The following FMN1 variants were observed in gnomAD, a reference collection of about 807,000 sequenced individuals.
FMN1 encodes formin-1.
A neutral mutation model predicts 132.4 loss-of-function variants in FMN1; 110 were observed. The ratio of observed to expected loss-of-function variants is 0.83; its 90% CI spans 0.71 to 0.97. The LOEUF (loss-of-function observed/expected upper bound fraction) is 0.97. FMN1 is among the 50% of genes least tolerant of loss of function. The pLI, the probability that FMN1 is intolerant of heterozygous loss-of-function variation, is 0.00. For missense variants in FMN1, 1,792 were observed against 1,705.3 expected, an observed-to-expected ratio of 1.05 and a Z score of -0.90; for synonymous variants, 722 against 651.7, an observed-to-expected ratio of 1.11 and a Z score of -1.64.
At chr15:32,848,345 T>C (rs565073245) in intron 17 of FMN1, among the ~76,000 whole-genome samples, 19 of 71,240 alleles carry the variant, frequency 2.7e-4, no homozygotes, top group Non-Finnish European at 5.3e-4. Flanking sequence ...CACGTGTGTG[T>C]GCGTGCACAC....
chr15:32,899,682 G>A (rs750887101), intron 14 of FMN1: 1 of 411,268 alleles, frequency 2.4e-6, no homozygotes, highest in Non-Finnish European at 4.3e-6. Context: ...GGTACTGTAT[G>A]CTATCTGTTT....
intron 5 of FMN1, among the ~76,000 whole-genome samples, chr15:33,074,638 T>C (rs1336877190): frequency 6.6e-6 from 1 of 152,172 alleles, no homozygotes; most frequent in Non-Finnish European, 1.5e-5. Flanking sequence ...GGCTGGGACA[T>C]CTTGTGAAGC....
intron 5 of FMN1, among the ~76,000 whole-genome samples, chr15:33,080,885 C>T (rs2038427485): frequency 6.9e-6 from 1 of 144,714 alleles, no homozygotes; most frequent in African/African-American, 2.7e-5. Flanking sequence ...AAAACTCCGT[C>T]TCAAAAAAAA....
At chr15:33,020,537 CT>C (rs1203756645) in intron 6 of FMN1, among the ~76,000 whole-genome samples, 1 of 151,646 alleles carries the variant, frequency 6.6e-6, no homozygotes, top group Non-Finnish European at 1.5e-5. Flanking sequence ...ATCCTGGCTA[CT>C]CAGGAGGCTG....
chr15:33,120,767 T>C (rs1412050725), intron 4 of FMN1, among the ~76,000 whole-genome samples: 1 of 152,226 alleles, frequency 6.6e-6, no homozygotes, highest in East Asian at 1.9e-4. Context: ...TATTACCCTT[T>C]TACTGCACAT....
At chr15:33,056,315 T>C (rs375308731) in intron 6 of FMN1, among the ~76,000 whole-genome samples, 3 of 152,348 alleles carry the variant, frequency 2.0e-5, no homozygotes, top group South Asian at 2.1e-4. Context: ...CAAAGTTTAA[T>C]TGAGCAAAGG....
At chr15:32,805,287 T>C (rs1459703860) in intron 17 of FMN1, among the ~76,000 whole-genome samples, 3 of 152,276 alleles carry the variant, frequency 2.0e-5, no homozygotes, top group Non-Finnish European at 4.4e-5. Context: ...CATGTGTCTA[T>C]TGGCTGCATA....
intron 9 of FMN1, among the ~76,000 whole-genome samples, chr15:32,962,119 T>TATC (rs972875804): frequency 1.3e-5 from 2 of 151,880 alleles, no homozygotes; most frequent in Admixed American, 1.3e-4. Context: ...TTATTATTAT[T>TATC]ATTATTATTA....
intron 5 of FMN1, among the ~76,000 whole-genome samples, chr15:33,087,091 T>C (rs1342181159): frequency 1.3e-5 from 2 of 152,210 alleles, no homozygotes; most frequent in Non-Finnish European, 2.9e-5. Context: ...GCTCACCTCA[T>C]CTGTGACAGG....
At chr15:32,894,724 CTGTTTACAAAAGTGATACATGTTCATTA>C (rs2060112996) in intron 15 of FMN1, among the ~76,000 whole-genome samples, 1 of 150,220 alleles carries the variant, frequency 6.7e-6, no homozygotes, top group African/African-American at 2.4e-5. Flanking sequence ...ATCTTTTTTC[CTGTTTACAAAAGTGATACATGTTCATTA>C]TGTTTAGTAA....
At chr15:33,121,886 CAGT>C (rs1328806701) in intron 4 of FMN1, among the ~76,000 whole-genome samples, 2 of 152,168 alleles carry the variant, frequency 1.3e-5, no homozygotes, top group African/African-American at 2.4e-5. Context: ...AAAAAGAAAG[CAGT>C]AGACTTAGAG....
chr15:32,992,528 T>C (rs1258030137), intron 7 of FMN1, among the ~76,000 whole-genome samples: 1 of 152,188 alleles, frequency 6.6e-6, no homozygotes, highest in Non-Finnish European at 1.5e-5. Context: ...TGGCAGATTA[T>C]AGATCATATC....
chr15:33,010,439 A>G (rs941848710), intron 6 of FMN1, among the ~76,000 whole-genome samples: 7 of 152,074 alleles, frequency 4.6e-5, no homozygotes, highest in Non-Finnish European at 7.3e-5. Context: ...AAGTTCAAGA[A>G]AAAGTACACC....
intron 4 of FMN1, among the ~76,000 whole-genome samples, chr15:33,104,773 T>A (rs942823750): frequency 3.3e-5 from 5 of 152,122 alleles, no homozygotes; most frequent in Non-Finnish European, 7.4e-5. Flanking sequence ...TGAGATAATT[T>A]GATATAAATT....
intron 7 of FMN1, among the ~76,000 whole-genome samples, chr15:32,994,007 G>T (rs1206138299): frequency 6.6e-6 from 1 of 151,988 alleles, no homozygotes; most frequent in East Asian, 1.9e-4. Flanking sequence ...AGATGAAATT[G>T]GGAAACCTTA....
chr15:32,914,896 A>C (rs1194346886), intron 10 of FMN1, among the ~76,000 whole-genome samples: 1 of 152,246 alleles, frequency 6.6e-6, no homozygotes, highest in African/African-American at 2.4e-5. Flanking sequence ...GGACTGGGAA[A>C]GGAATGGAGT....
chr15:33,119,936 G>A (rs575489821), intron 4 of FMN1, among the ~76,000 whole-genome samples: 27 of 152,268 alleles, frequency 1.8e-4, no homozygotes, highest in African/African-American at 6.5e-4. Context: ...TCTATCTAAA[G>A]AGCTCAAAGC....
At chr15:33,166,784 A>C (rs1965125661) in intron 3 of FMN1, among the ~76,000 whole-genome samples, 1 of 152,218 alleles carries the variant, frequency 6.6e-6, no homozygotes. Flanking sequence ...TTTGAAATGC[A>C]CTTCGTAAAA....
At chr15:32,861,718 A>G (rs2059273178) in intron 16 of FMN1, among the ~76,000 whole-genome samples, 2 of 152,302 alleles carry the variant, frequency 1.3e-5, no homozygotes, top group South Asian at 4.1e-4. Context: ...ATTTACGGAA[A>G]TATGCCACGG....
Sources: allele counts gnomAD v4.1 joint callset (sites outside exome capture counted in the v4.1 genomes callset), GRCh38; gene constraint gnomAD v4.1.1; transcripts MANE v1.5; gene names NCBI Gene and HGNC (gene_info 2026-07-23, HGNC 2026-07-21).